UTRN: variants seen among roughly 807,000 people sequenced by gnomAD.
The protein encoded by UTRN is dystrophin-related protein 1.
A neutral mutation model predicts 463.9 loss-of-function variants in UTRN; 283 were observed. The ratio of observed to expected loss-of-function variants is 0.61; its 90% CI spans 0.55 to 0.67. The LOEUF is 0.67. Among genes scored for constraint, UTRN ranks in the 30% least tolerant of loss-of-function variants. UTRN has a pLI of 0.00. For synonymous variants in UTRN, 1,442 were observed against 1,431.5 expected (o/e 1.01, Z -0.17); for missense variants, 3,922 against 4,084.3 (o/e 0.96, Z 1.08).
At chr6:144,557,124 A>C (rs751598587) in intron 49 of UTRN, 33 bp from the exon 50 acceptor site, 1 of 1,600,914 alleles carries the variant, frequency 6.2e-7, no homozygotes, top group Non-Finnish European at 8.5e-7. Flanking sequence ...TGAGTGACCA[A>C]GTCTAACAAA....
intron 41 of UTRN, among the ~76,000 whole-genome samples, chr6:144,524,703 C>T (rs1321661354): frequency 6.6e-6 from 1 of 152,112 alleles, no homozygotes; most frequent in Non-Finnish European, 1.5e-5. Flanking sequence ...TCTGATTGCT[C>T]TGTCTAGGAC....
chr6:144,734,682 G>A (rs1413443752), intron 54 of UTRN, among the ~76,000 whole-genome samples: 2 of 152,172 alleles, frequency 1.3e-5, no homozygotes, highest in Admixed American at 1.3e-4. Flanking sequence ...CGTCTACTAT[G>A]CTTTCCTGGT....
Position 144,417,700 on chromosome 6 carries a change from G to C in UTRN, c.142-4178G>C, listed in dbSNP as rs138702967. Among the ~76,000 whole-genome samples the C allele has an allele frequency of 2.2e-3, 340 of 152,268 alleles. 1 individual carries two copies. Among genetic ancestry groups the C allele is most frequent in the African/African-American group, 6.8e-3 (284 of 41,554 alleles). On this transcript the variant is annotated intron_variant, in intron 3 of 74. Transcript: ENST00000367545. The stretch of plus-strand genomic sequence containing the variant: ...GGAATTATGTGAAATTCAAATTTTA[G>C]TGTCTATAAATAAAGTTTCATTGGA...
intron 58 of UTRN, among the ~76,000 whole-genome samples, chr6:144,768,874 A>G (rs991870621): frequency 2.6e-5 from 4 of 151,930 alleles, no homozygotes; most frequent in African/African-American, 9.7e-5. Flanking sequence ...CAGCCTAGTT[A>G]CATGTCACAT....
At chr6:144,719,935 G>A (rs1443096155) in intron 53 of UTRN, among the ~76,000 whole-genome samples, 1 of 152,236 alleles carries the variant, frequency 6.6e-6, no homozygotes, top group African/African-American at 2.4e-5. Flanking sequence ...TTGAAGAAAG[G>A]TTAGGAAAGA....
rs770574717 is a variant in UTRN at position 144,805,527 on chromosome 6, A to G, written c.9357+2380A>G. 4.6e-5 allele frequency among the ~76,000 whole-genome samples: 7 copies of G among 152,272 alleles called. No homozygotes were observed. In the East Asian group the frequency reaches 5.8e-4, roughly 13 times the overall value. ...AACATATAGTGGTCTGAGTTGGGAA[A>G]AAGGTTAGCGTGATTGGGCTGCAGA... On this transcript the variant is annotated intron_variant, in intron 65 of 74. Coordinates refer to ENST00000367545, the MANE Select transcript of UTRN (RefSeq NM_007124.3).
At chr6:144,573,924 A>G (rs1049919447) in intron 50 of UTRN, among the ~76,000 whole-genome samples, 2 of 152,192 alleles carry the variant, frequency 1.3e-5, no homozygotes, top group African/African-American at 4.8e-5. Context: ...CATGTGATTA[A>G]TCATTGTTTG....
chr6:144,694,078 C>T (rs192906789), intron 52 of UTRN, among the ~76,000 whole-genome samples: 8 of 151,816 alleles, frequency 5.3e-5, no homozygotes, highest in Admixed American at 2.6e-4. Flanking sequence ...GTATCTAGTT[C>T]GTTGAGAATT....
intron 2 of UTRN, among the ~76,000 whole-genome samples, chr6:144,367,927 A>C (rs981439221): frequency 1.3e-5 from 2 of 151,878 alleles, no homozygotes; most frequent in Non-Finnish European, 2.9e-5. Flanking sequence ...GATTACAGGC[A>C]CCCGCCACCA....
chr6:144,577,345 C>T (rs1340316780), intron 51 of UTRN, 57 bp downstream of exon 51: 1 of 1,554,962 alleles, frequency 6.4e-7, no homozygotes, highest in Non-Finnish European at 8.8e-7. Flanking sequence ...CTTTTGATCC[C>T]TCTGCATGCA....
chr6:144,785,947 T>A (rs2128740771), intron 61 of UTRN, among the ~76,000 whole-genome samples: 1 of 152,358 alleles, frequency 6.6e-6, no homozygotes. Flanking sequence ...TCTGTAGTAC[T>A]TGGTTTAAAT....
At chr6:144,716,157 C>T (rs1388297059) in intron 53 of UTRN, among the ~76,000 whole-genome samples, 1 of 151,782 alleles carries the variant, frequency 6.6e-6, no homozygotes, top group African/African-American at 2.4e-5. Flanking sequence ...AAATTTTCAA[C>T]TCAAGAATGG....
At chr6:144,790,197 A>G (rs1776643775) in intron 62 of UTRN, among the ~76,000 whole-genome samples, 1 of 152,186 alleles carries the variant, frequency 6.6e-6, no homozygotes, top group Non-Finnish European at 1.5e-5. Context: ...CAAACCCTTA[A>G]CTACTATCAC....
rs528480945 is a variant in UTRN at position 144,685,289 on chromosome 6, C to T, written c.7652+6711C>T. 2.6e-5 allele frequency among the ~76,000 whole-genome samples: 4 copies of T among 152,278 alleles called. No homozygotes were observed. In the Middle Eastern group the frequency reaches 0.01, roughly 388 times the overall value. ...TTATCCACTCATGGATTGATGGACA[C>T]TTAAGTTGGTTCCAAATCTTTGCAA... is the stretch of plus-strand genomic sequence containing the variant. On this transcript the variant is annotated intron_variant, in intron 52 of 74. Transcript: ENST00000367545.
At chr6:144,387,599 T>C (rs959925471) in intron 2 of UTRN, among the ~76,000 whole-genome samples, 1 of 152,258 alleles carries the variant, frequency 6.6e-6, no homozygotes, top group Non-Finnish European at 1.5e-5. Flanking sequence ...TTATTTTACA[T>C]TATTTCTCTC....
At chr6:144,324,310 A>G (rs190813855) in intron 2 of UTRN, among the ~76,000 whole-genome samples, 20 of 152,346 alleles carry the variant, frequency 1.3e-4, no homozygotes, top group Admixed American at 2.6e-4. Flanking sequence ...GTCCCCAAAA[A>G]GCAACTGTAA....
chr6:144,759,548 G>A (rs1406385307), intron 58 of UTRN, among the ~76,000 whole-genome samples: 5 of 152,112 alleles, frequency 3.3e-5, no homozygotes, highest in Admixed American at 6.6e-5. Context: ...AGGTTACAAA[G>A]CAAGGGAGAA....
intron 65 of UTRN, among the ~76,000 whole-genome samples, chr6:144,813,865 C>T (rs974463248): frequency 2.6e-5 from 4 of 152,302 alleles, no homozygotes; most frequent in Admixed American, 1.3e-4. Context: ...CTAGAATGCT[C>T]TTGCCTGCTG....
At chr6:144,392,305 C>A (rs773244048) in intron 2 of UTRN, among the ~76,000 whole-genome samples, 11 of 152,084 alleles carry the variant, frequency 7.2e-5, no homozygotes, top group Non-Finnish European at 1.5e-4. Context: ...AGGATTTAGT[C>A]TTATAATCAG....
Sources: gnomAD v4.1 joint callset for allele counts (sites outside exome capture counted in the v4.1 genomes callset) on GRCh38, gnomAD v4.1.1 for gene constraint, MANE v1.5 for transcripts, NCBI Gene and HGNC (gene_info 2026-07-23, HGNC 2026-07-21) for gene names.